The following RALYL variants were observed in gnomAD, a reference collection of about 807,000 sequenced individuals.
RALYL encodes RNA-binding Raly-like protein.
A neutral mutation model predicts 35.1 loss-of-function variants in RALYL; 29 were observed. That is an observed-to-expected ratio of 0.83 (90% CI 0.61 to 1.13). The LOEUF (loss-of-function observed/expected upper bound fraction) is 1.13. Ranked by LOEUF, RALYL falls within the 50% of genes most tolerant of loss-of-function variation. The pLI, the probability that RALYL is intolerant of heterozygous loss-of-function variation, is 0.00. For missense variants in RALYL, 359 were observed against 360.4 expected, an observed-to-expected ratio of 1.00 and a Z score of 0.03; for synonymous variants, 120 against 127.6, an observed-to-expected ratio of 0.94 and a Z score of 0.40.
At position 84,634,201 on chromosome 8, in the gene RALYL, C is replaced by T. The variant is rs1257892895; in HGVS notation, c.256+104624C>T. Among the ~76,000 whole-genome samples, 7 of 151,760 alleles carry T rather than the reference C, an allele frequency of 4.6e-5. No homozygotes were observed. The East Asian group carries it at 9.7e-4, about 21-fold the overall frequency. On this transcript the variant is annotated intron_variant, in intron 2 of 8. Transcript: ENST00000521268. Reference sequence around the variant, plus strand: ...CACATTATAACATGCTCTAGTCACACGGATTTATGTGTTGACCCTAAACAT... The same window carrying T: ...CACATTATAACATGCTCTAGTCACATGGATTTATGTGTTGACCCTAAACAT...
intron 3 of RALYL, among the ~76,000 whole-genome samples, chr8:84,785,302 A>T (rs1248169260): frequency 6.6e-6 from 1 of 152,190 alleles, no homozygotes; most frequent in Non-Finnish European, 1.5e-5. Context: ...ACTGGAAGTC[A>T]GGAAACCTGC....
intron 1 of RALYL, among the ~76,000 whole-genome samples, chr8:84,433,962 G>A (rs768531752): frequency 2.1e-4 from 32 of 151,774 alleles, no homozygotes; most frequent in South Asian, 6.2e-4. Flanking sequence ...TCAGCTTAAT[G>A]ATGTCTTCCC....
chr8:84,375,623 A>G (rs1444531665), intron 1 of RALYL, among the ~76,000 whole-genome samples: 1 of 151,840 alleles, frequency 6.6e-6, no homozygotes, highest in Non-Finnish European at 1.5e-5. Flanking sequence ...ATGAATGTTA[A>G]TGGTACAAAA....
chr8:84,516,690 G>T (rs2058091792), intron 1 of RALYL, among the ~76,000 whole-genome samples: 1 of 152,106 alleles, frequency 6.6e-6, no homozygotes, highest in African/African-American at 2.4e-5. Context: ...GAACATCCCT[G>T]GTTATCAAGT....
intron 1 of RALYL, among the ~76,000 whole-genome samples, chr8:84,334,265 T>G (rs1847357319): frequency 6.6e-6 from 1 of 152,134 alleles, no homozygotes; most frequent in African/African-American, 2.4e-5. Flanking sequence ...AAATCAGTCA[T>G]GTATTTGATC....
chr8:84,368,812 G>A (rs113541960), intron 1 of RALYL, among the ~76,000 whole-genome samples: 4,509 of 152,006 alleles, frequency 0.03, 217 homozygotes, highest in African/African-American at 0.1. Flanking sequence ...ATATGGGTGG[G>A]GACACAACCA....
chr8:84,753,510 C>T (rs755576547), intron 2 of RALYL, among the ~76,000 whole-genome samples: 20 of 152,062 alleles, frequency 1.3e-4, no homozygotes, highest in Non-Finnish European at 5.9e-5. Context: ...TGTCCCTGCC[C>T]AAATCTCATG....
intron 1 of RALYL, among the ~76,000 whole-genome samples, chr8:84,332,615 A>T (rs372805691): frequency 2.0e-5 from 3 of 152,140 alleles, no homozygotes; most frequent in Non-Finnish European, 4.4e-5. Flanking sequence ...TTTTGTGAAG[A>T]CCATTATTAA....
chr8:84,885,521 A>T (rs1042752713), intron 7 of RALYL, among the ~76,000 whole-genome samples: 2 of 152,194 alleles, frequency 1.3e-5, no homozygotes, highest in Non-Finnish European at 2.9e-5. Context: ...GATAAAAAGT[A>T]TAGTTTTAAA....
chr8:84,406,030 A>C (rs71522964), intron 1 of RALYL, among the ~76,000 whole-genome samples: 2,785 of 150,754 alleles, frequency 0.018, 40 homozygotes, highest in Non-Finnish European at 0.03. Context: ...ATGAAAAAGC[A>C]AGGTAATTCT....
At chr8:84,695,240 T>C (rs190608057) in intron 2 of RALYL, among the ~76,000 whole-genome samples, 43 of 151,878 alleles carry the variant, frequency 2.8e-4, no homozygotes, top group African/African-American at 9.4e-4. Context: ...CACTAACCTG[T>C]TCATGTCATG....
intron 2 of RALYL, among the ~76,000 whole-genome samples, chr8:84,544,355 C>A (rs2060216648): frequency 6.6e-6 from 1 of 151,904 alleles, no homozygotes; most frequent in Admixed American, 6.6e-5. Context: ...AAAATCTAAT[C>A]TATTTTTCTA....
chr8:84,837,203 CTT>C (rs1420792349), intron 4 of RALYL, among the ~76,000 whole-genome samples: 1 of 152,152 alleles, frequency 6.6e-6, no homozygotes, highest in African/African-American at 2.4e-5. Context: ...TGTCTAATCT[CTT>C]ATACTTAGAT....
intron 2 of RALYL, among the ~76,000 whole-genome samples, chr8:84,624,636 C>G (rs1350849977): frequency 6.6e-6 from 1 of 152,188 alleles, no homozygotes; most frequent in Non-Finnish European, 1.5e-5. Flanking sequence ...TTAATGCCAT[C>G]TGCAAAGGCC....
At chr8:84,397,233 C>G (rs1360439849) in intron 1 of RALYL, among the ~76,000 whole-genome samples, 1 of 152,168 alleles carries the variant, frequency 6.6e-6, no homozygotes, top group Non-Finnish European at 1.5e-5. Context: ...GAGTGTACCA[C>G]TACCTATACC....
Position 84,287,490 on chromosome 8 carries a change from G to A in RALYL, c.-24+103066G>A, listed in dbSNP as rs528309682. On this transcript the variant is annotated intron_variant, in intron 1 of 8. Coordinates refer to ENST00000521268, the MANE Select transcript of RALYL (RefSeq NM_173848.7). Reference sequence around the variant, plus strand: ...AAGGAGGGGAATTGAGTGGCAGTTGGTAGAAGAATAAAATGAAGAAGGGTC... The same window carrying A: ...AAGGAGGGGAATTGAGTGGCAGTTGATAGAAGAATAAAATGAAGAAGGGTC... Among the ~76,000 whole-genome samples the A allele has an allele frequency of 1.2e-3, 178 of 152,238 alleles. 4 individuals carry two copies. The South Asian group carries it at 0.034, about 29-fold the overall frequency.
chr8:84,728,259 A>G (rs527925137), intron 2 of RALYL, among the ~76,000 whole-genome samples: 5 of 152,170 alleles, frequency 3.3e-5, no homozygotes, highest in South Asian at 2.1e-4. Flanking sequence ...TTTTTTGGCT[A>G]CATAGATGTC....
intron 7 of RALYL, among the ~76,000 whole-genome samples, chr8:84,887,199 G>A (rs1843036124): frequency 6.6e-6 from 1 of 152,052 alleles, no homozygotes; most frequent in Non-Finnish European, 1.5e-5. Context: ...CTGCTTCCTT[G>A]AGTGAAAAAG....
intron 1 of RALYL, among the ~76,000 whole-genome samples, chr8:84,380,853 ATGCAT>A (rs1857848202): frequency 6.6e-6 from 1 of 151,864 alleles, no homozygotes; most frequent in African/African-American, 2.4e-5. Context: ...AGCATGATCT[ATGCAT>A]TGAGAAGTAG....
Sources: gnomAD v4.1 joint callset for allele counts (sites outside exome capture counted in the v4.1 genomes callset) on GRCh38, gnomAD v4.1.1 for gene constraint, MANE v1.5 for transcripts, NCBI Gene and HGNC (gene_info 2026-07-23, HGNC 2026-07-21) for gene names.